The following ZC3H12B variants were observed in gnomAD, a reference collection of about 807,000 sequenced individuals.
ZC3H12B encodes the protein probable ribonuclease ZC3H12B.
In ZC3H12B, 7 loss-of-function variants were observed where a neutral mutation model predicts 43.9. The observed-to-expected ratio is 0.16, with a 90% CI of 0.09 to 0.30. The LOEUF (loss-of-function observed/expected upper bound fraction) is 0.30, where lower values mean the gene tolerates loss of function less well. Ranked by LOEUF, ZC3H12B falls within the 10% of genes least tolerant of loss-of-function variation. ZC3H12B has a pLI of 1.00. For missense variants in ZC3H12B, 475 were observed against 670.2 expected (o/e 0.71, Z 3.22); for synonymous variants, 222 against 241.7 (o/e 0.92, Z 0.76).
intron 3 of ZC3H12B, among the ~76,000 whole-genome samples, chrX:65,445,382 G>C (rs2067362173): frequency 8.9e-6 from 1 of 112,539 alleles, no homozygotes; most frequent in Non-Finnish European, 1.9e-5. Flanking sequence ...AGGGAATTGA[G>C]TGTTGTGATC....
At chrX:65,328,916 T>C in the ZC3H12B span, among the ~76,000 whole-genome samples, 1 of 110,287 alleles carries the variant, frequency 9.1e-6, no homozygotes, top group African/African-American at 3.3e-5. Flanking sequence ...CCATGGTGTA[T>C]ATGTGCCACA....
At chrX:65,435,938 A>G (rs923188162) in intron 3 of ZC3H12B, among the ~76,000 whole-genome samples, 2 of 112,274 alleles carry the variant, frequency 1.8e-5, no homozygotes, top group African/African-American at 6.5e-5. Flanking sequence ...CAAAAGCAAG[A>G]GAACCTTGTG....
the ZC3H12B span, among the ~76,000 whole-genome samples, chrX:65,254,490 T>C: frequency 3.6e-5 from 4 of 112,365 alleles, no homozygotes; most frequent in Admixed American, 3.8e-4. Context: ...GCCAGTCGAC[T>C]GAACCCATCT....
intron 1 of ZC3H12B, among the ~76,000 whole-genome samples, chrX:65,491,432 T>C (rs962173750): frequency 9.0e-6 from 1 of 111,414 alleles, no homozygotes; most frequent in Non-Finnish European, 1.9e-5. Flanking sequence ...TTGGGCCAGG[T>C]ACGGTGGCTC....
chrX:65,281,416 A>G, the ZC3H12B span, among the ~76,000 whole-genome samples: 2 of 110,324 alleles, frequency 1.8e-5, no homozygotes, highest in Admixed American at 1.9e-4. Context: ...AGACAGGGTT[A>G]CGTCATGTAA....
the ZC3H12B span, among the ~76,000 whole-genome samples, chrX:65,123,075 G>T: frequency 6.2e-5 from 7 of 112,012 alleles, no homozygotes; most frequent in Non-Finnish European, 1.3e-4. Context: ...GTCATAAATA[G>T]CTCTTTTTAT....
the ZC3H12B span, among the ~76,000 whole-genome samples, chrX:65,224,728 C>T: frequency 8.9e-6 from 1 of 112,186 alleles, no homozygotes; most frequent in African/African-American, 3.2e-5. Context: ...TTATATCCCG[C>T]ACATGACTCA....
At chrX:65,069,447 G>C in the ZC3H12B span, among the ~76,000 whole-genome samples, 3 of 109,504 alleles carry the variant, frequency 2.7e-5, no homozygotes, top group African/African-American at 1.0e-4. Flanking sequence ...TCTTCAGTAT[G>C]CCAATTGCAT....
At chrX:65,123,725 G>GTTT in the ZC3H12B span, among the ~76,000 whole-genome samples, 1 of 89,398 alleles carries the variant, frequency 1.1e-5, no homozygotes. Flanking sequence ...AGTTGTTGTT[G>GTTT]TTTCTTTTTT....
At chrX:65,057,683 A>T in the ZC3H12B span, among the ~76,000 whole-genome samples, 2 of 111,992 alleles carry the variant, frequency 1.8e-5, no homozygotes, top group African/African-American at 6.5e-5. Flanking sequence ...AGTGTTTTCC[A>T]ACTTGGTTCT....
At chrX:65,473,050 G>T in intron 3 of ZC3H12B, among the ~76,000 whole-genome samples, 1 of 93,772 alleles carries the variant, frequency 1.1e-5, no homozygotes, top group Non-Finnish European at 2.1e-5. Flanking sequence ...TTTTACTCTT[G>T]TTGCCCAGGC....
the ZC3H12B span, among the ~76,000 whole-genome samples, chrX:65,139,139 G>T: frequency 8.9e-6 from 1 of 111,842 alleles, no homozygotes; most frequent in Non-Finnish European, 1.9e-5. Flanking sequence ...TGTGCTTTTG[G>T]TATTACATTC....
At chrX:65,037,920 T>C in the ZC3H12B span, among the ~76,000 whole-genome samples, 1 of 111,179 alleles carries the variant, frequency 9.0e-6, no homozygotes, top group Non-Finnish European at 1.9e-5. Context: ...AATATCATGT[T>C]ATTAATGTAT....
the ZC3H12B span, among the ~76,000 whole-genome samples, chrX:65,196,755 A>T: frequency 9.0e-6 from 1 of 111,533 alleles, no homozygotes; most frequent in Non-Finnish European, 1.9e-5. Flanking sequence ...GTCACCTGCC[A>T]TATCACCTCC....
chrX:65,116,213 G>T, the ZC3H12B span, among the ~76,000 whole-genome samples: 2 of 111,552 alleles, frequency 1.8e-5, no homozygotes, highest in Admixed American at 1.9e-4. Flanking sequence ...GCCATCTTGA[G>T]TTGATTTTTG....
chrX:65,278,804 C>A, the ZC3H12B span, among the ~76,000 whole-genome samples: 1 of 100,493 alleles, frequency 1.0e-5, no homozygotes, highest in Non-Finnish European at 2.0e-5. Flanking sequence ...CTCCCCCTAC[C>A]CTCCCCCCTC....
intron 3 of ZC3H12B, among the ~76,000 whole-genome samples, chrX:65,416,417 G>C (rs867132869): frequency 1.3e-4 from 14 of 110,793 alleles, no homozygotes; most frequent in South Asian, 1.2e-3. Flanking sequence ...TGAAAATTAT[G>C]TCTAATTCAG....
intron 1 of ZC3H12B, among the ~76,000 whole-genome samples, chrX:65,367,568 T>C (rs1245005248): frequency 1.8e-5 from 2 of 111,678 alleles, no homozygotes; most frequent in African/African-American, 6.5e-5. Flanking sequence ...TTCTTCTCGA[T>C]TTTAACTGAT....
At chrX:65,506,456 A>T (rs1353435609) in exon 5 of ZC3H12B, 1 of 111,492 alleles carries the variant, frequency 9.0e-6, no homozygotes, top group Non-Finnish European at 1.9e-5. Flanking sequence ...AAGCATTGGG[A>T]CCCCCTCGGC....
Sources: gnomAD v4.1 joint callset for allele counts (sites outside exome capture counted in the v4.1 genomes callset) on GRCh38, gnomAD v4.1.1 for gene constraint, MANE v1.5 for transcripts, NCBI Gene and HGNC (gene_info 2026-07-23, HGNC 2026-07-21) for gene names.